The following SIAH3 variants were observed in gnomAD, a reference collection of about 807,000 sequenced individuals.
The protein encoded by SIAH3 is siah E3 ubiquitin protein ligase family member 3.
Under a neutral mutation model 12.6 loss-of-function variants are expected in SIAH3, and 9 were observed. That is an observed-to-expected ratio of 0.72 (90% CI 0.43 to 1.25). The LOEUF (loss-of-function observed/expected upper bound fraction) is 1.25. SIAH3 is among the 50% of genes most tolerant of loss of function. The pLI, the probability that SIAH3 is intolerant of heterozygous loss-of-function variation, is 0.00. For missense variants in SIAH3, 390 were observed against 365.4 expected, an observed-to-expected ratio of 1.07 and a Z score of -0.55; for synonymous variants, 154 against 151.1, an observed-to-expected ratio of 1.02 and a Z score of -0.14.
At position 45,783,122 on chromosome 13, in the gene SIAH3, A is replaced by G. The variant is rs1307631267; in HGVS notation, c.*261T>C. 5 of 253,234 alleles carry G rather than the reference A, an allele frequency of 2.0e-5. No individual in the cohort carries two copies. The allele number at this position is 253,234 out of a possible 1,614,324, so 15.7% of individuals were successfully genotyped here. ...AAACTATTCTGAATAAATCTTACAA[A>G]CATTCTATAAAACAACACCAACAAG... On this transcript the variant is annotated 3_prime_UTR_variant, in exon 2 of 2. Coordinates refer to ENST00000400405, the MANE Select transcript of SIAH3 (RefSeq NM_198849.3).
At chr13:45,805,383 T>C (rs1444729723) in intron 1 of SIAH3, among the ~76,000 whole-genome samples, 3 of 151,968 alleles carry the variant, frequency 2.0e-5, no homozygotes, top group African/African-American at 4.8e-5. Flanking sequence ...AAACAGACCA[T>C]AGACCAATGG....
At chr13:45,815,570 T>A (rs1950631632) in intron 1 of SIAH3, among the ~76,000 whole-genome samples, 1 of 152,210 alleles carries the variant, frequency 6.6e-6, no homozygotes, top group Non-Finnish European at 1.5e-5. Flanking sequence ...TATGTAGACA[T>A]CCTATTCATT....
At chr13:45,843,166 C>T (rs886150495) in intron 1 of SIAH3, among the ~76,000 whole-genome samples, 8 of 151,934 alleles carry the variant, frequency 5.3e-5, no homozygotes, top group African/African-American at 1.9e-4. Context: ...TGCCCTTCCT[C>T]GATTCCAGAG....
intron 1 of SIAH3, among the ~76,000 whole-genome samples, chr13:45,797,571 G>C (rs539538196): frequency 2.0e-5 from 3 of 152,290 alleles, no homozygotes; most frequent in African/African-American, 7.2e-5. Context: ...TGCGGAGAGA[G>C]GGTTAGACCA....
intron 1 of SIAH3, among the ~76,000 whole-genome samples, chr13:45,833,359 G>T (rs991652826): frequency 1.3e-5 from 2 of 152,070 alleles, no homozygotes; most frequent in East Asian, 1.9e-4. Context: ...GGGCCCTCAG[G>T]CTATTGTGTA....
intron 1 of SIAH3, among the ~76,000 whole-genome samples, chr13:45,831,220 A>T (rs901902702): frequency 2.1e-5 from 3 of 143,816 alleles, no homozygotes; most frequent in Non-Finnish European, 3.0e-5. Context: ...ATAAATAAAT[A>T]AATAAAATAA....
chr13:45,796,337 C>CG (rs892134292), intron 1 of SIAH3, among the ~76,000 whole-genome samples: 4 of 151,398 alleles, frequency 2.6e-5, no homozygotes, highest in South Asian at 2.1e-4. Flanking sequence ...ATTTCATGGG[C>CG]GGGGGGGAGG....
At chr13:45,828,031 C>A (rs1455551860) in intron 1 of SIAH3, among the ~76,000 whole-genome samples, 3 of 152,190 alleles carry the variant, frequency 2.0e-5, no homozygotes, top group Admixed American at 6.5e-5. Context: ...AATTAGGTAG[C>A]CAGTCCCACC....
At chr13:45,831,791 C>T (rs1950700268) in intron 1 of SIAH3, among the ~76,000 whole-genome samples, 2 of 152,246 alleles carry the variant, frequency 1.3e-5, no homozygotes, top group Admixed American at 1.3e-4. Flanking sequence ...TGAGGGCCTA[C>T]TATGGGCAGT....
chr13:45,825,847 G>A (rs1029546352), intron 1 of SIAH3, among the ~76,000 whole-genome samples: 4 of 152,062 alleles, frequency 2.6e-5, no homozygotes, highest in Admixed American at 6.6e-5. Context: ...CAGCTCCCTC[G>A]CTTCCTAGGC....
rs1950516505 is a variant in SIAH3 at position 45,783,978 on chromosome 13, T to C, written c.215A>G (p.His72Arg). The C allele has an allele frequency of 3.1e-6, 5 of 1,605,656 alleles. No individual in the cohort carries two copies. The highest frequency in any genetic ancestry group is 1.1e-5 in the South Asian group (1 of 89,122). The part of the protein sequence containing the change: ...SFHPHHLSHH[H>R]CHHRHHHHLR... ...GTGGTGGTGGTGGCGGTGGTGGCAG[T>C]GGTGGTGGGAGAGATGGTGAGGGTG... The change falls in exon 2 of 2, where the codon CAC (histidine) becomes CGC (arginine). Residue 72 changes from histidine to arginine, a missense_variant. Coordinates refer to ENST00000400405, the MANE Select transcript of SIAH3 (RefSeq NM_198849.3).
intron 1 of SIAH3, among the ~76,000 whole-genome samples, chr13:45,841,697 G>A (rs9534232): frequency 0.28 from 42,833 of 152,184 alleles, 7,211 homozygotes; most frequent in Non-Finnish European, 0.36. Context: ...TTCTGATGGT[G>A]CCATAGTCAA....
intron 1 of SIAH3, among the ~76,000 whole-genome samples, chr13:45,810,383 C>T (rs1529882): frequency 0.37 from 55,870 of 152,020 alleles, 10,956 homozygotes; most frequent in Non-Finnish European, 0.41. Flanking sequence ...GTTGTCAGGC[C>T]GCTATAGTGC....
chr13:45,795,140 C>G (rs905767033), intron 1 of SIAH3, among the ~76,000 whole-genome samples: 1 of 152,132 alleles, frequency 6.6e-6, no homozygotes, highest in African/African-American at 2.4e-5. Context: ...AAACATGACT[C>G]AAACCAATAA....
At chr13:45,826,505 A>C (rs1473415896) in intron 1 of SIAH3, among the ~76,000 whole-genome samples, 1 of 148,608 alleles carries the variant, frequency 6.7e-6, no homozygotes, top group African/African-American at 2.5e-5. Context: ...GGGTGGATAG[A>C]TGGATGGATG....
chr13:45,797,194 G>A (rs1950565961), intron 1 of SIAH3, among the ~76,000 whole-genome samples: 1 of 150,486 alleles, frequency 6.6e-6, no homozygotes, highest in Non-Finnish European at 1.5e-5. Flanking sequence ...TTTCAACGTT[G>A]GTCCTATTTT....
intron 1 of SIAH3, among the ~76,000 whole-genome samples, chr13:45,810,926 C>G (rs891265173): frequency 2.6e-5 from 4 of 152,172 alleles, no homozygotes; most frequent in African/African-American, 9.7e-5. Context: ...GTACTGCTTG[C>G]ATACCCATAT....
rs997985474 is a variant in SIAH3, at chr13:45,779,931, C to T, written c.*3452G>A. The T allele has an allele frequency of 1.3e-5, 2 of 152,142 alleles. No individual in the cohort carries two copies. Among genetic ancestry groups the T allele is most frequent in the Non-Finnish European group, 2.9e-5 (2 of 68,036 alleles). 9.4% of individuals were successfully genotyped at this position (152,142 alleles called of 1,614,324 possible). On this transcript the variant is annotated 3_prime_UTR_variant, in exon 2 of 2. Coordinates refer to ENST00000400405, the MANE Select transcript of SIAH3 (RefSeq NM_198849.3). ...CGTCAACCATGTATGTAGGCTCAGC[C>T]TCAAGGGGAGGAATGCTCCTCTCTC...
chr13:45,836,496 T>C (rs1246754138), intron 1 of SIAH3, among the ~76,000 whole-genome samples: 1 of 152,158 alleles, frequency 6.6e-6, no homozygotes, highest in African/African-American at 2.4e-5. Context: ...AAGCCCTTAT[T>C]CTCAGCAAAC....
Sources: gnomAD v4.1 joint callset for allele counts (sites outside exome capture counted in the v4.1 genomes callset) on GRCh38, gnomAD v4.1.1 for gene constraint, MANE v1.5 for transcripts, NCBI Gene and HGNC (gene_info 2026-07-23, HGNC 2026-07-21) for gene names.